C4orf36: variants seen among roughly 807,000 people sequenced by gnomAD.
The protein encoded by C4orf36 is chromosome 4 open reading frame 36, also known as uncharacterized protein C4orf36.
A neutral mutation model predicts 12.2 loss-of-function variants in C4orf36; 11 were observed. The ratio of observed to expected loss-of-function variants is 0.90; its 90% CI spans 0.57 to 1.49. The LOEUF (loss-of-function observed/expected upper bound fraction) is 1.49, where lower values mean the gene tolerates loss of function less well. C4orf36 is among the 40% of genes most tolerant of loss of function. The pLI is 0.00. For synonymous variants in C4orf36, 54 were observed against 51.3 expected, an observed-to-expected ratio of 1.05 and a Z score of -0.22; for missense variants, 137 against 133.9, an observed-to-expected ratio of 1.02 and a Z score of -0.11.
the C4orf36 span, among the ~76,000 whole-genome samples, chr4:86,905,218 C>CAAA: frequency 8.1e-6 from 1 of 123,242 alleles, no homozygotes. Context: ...ACTAAAAATA[C>CAAA]AAAAAAAAAA....
the C4orf36 span, among the ~76,000 whole-genome samples, chr4:86,907,579 T>A: frequency 6.6e-6 from 1 of 152,132 alleles, no homozygotes; most frequent in Non-Finnish European, 1.5e-5. Context: ...ATTAAGCTAC[T>A]TTGGGGGTAT....
At chr4:86,906,775 C>T in the C4orf36 span, among the ~76,000 whole-genome samples, 9 of 145,674 alleles carry the variant, frequency 6.2e-5, no homozygotes, top group African/African-American at 2.3e-4. Flanking sequence ...CACGGTGCCT[C>T]ACACCTGTAA....
chr4:86,891,567 T>C lies in C4orf36; in HGVS notation c.-47A>G, dbSNP rs1179775901. 8 of 1,613,804 alleles carry C rather than the reference T, an allele frequency of 5.0e-6. No homozygotes were observed. Among genetic ancestry groups the C allele is most frequent in the Non-Finnish European group, 6.8e-6 (8 of 1,179,922 alleles). ...TTCGTTACATAGGTGCCTGATGGAA[T>C]GTCACAGATAACTCTGTTCACTTTA... On this transcript the variant is annotated 5_prime_UTR_variant, in exon 2 of 5. Transcript: ENST00000295898.
upstream of C4orf36, among the ~76,000 whole-genome samples, chr4:86,892,630 T>C (rs1747474946): frequency 1.3e-5 from 2 of 152,174 alleles, no homozygotes; most frequent in East Asian, 1.9e-4. Context: ...CGCTTTCCAA[T>C]GTAGGGGGCT....
chr4:86,924,877 G>A, the C4orf36 span: 1 of 152,190 alleles, frequency 6.6e-6, no homozygotes, highest in Non-Finnish European at 1.5e-5. Context: ...TTTACTCATG[G>A]TTCTGCCAGC....
the C4orf36 span, among the ~76,000 whole-genome samples, chr4:86,917,838 A>G: frequency 1.3e-5 from 2 of 151,004 alleles, no homozygotes; most frequent in African/African-American, 4.9e-5. Context: ...CCTTTACAGC[A>G]TGTTACTGTA....
chr4:86,906,347 A>T, the C4orf36 span, among the ~76,000 whole-genome samples: 1 of 152,164 alleles, frequency 6.6e-6, no homozygotes, highest in Non-Finnish European at 1.5e-5. Flanking sequence ...ATCCATAAGA[A>T]TTAAGTGGGG....
chr4:86,929,358 T>A, the C4orf36 span, among the ~76,000 whole-genome samples: 1 of 152,190 alleles, frequency 6.6e-6, no homozygotes, highest in Non-Finnish European at 1.5e-5. Flanking sequence ...ATTTTATTTT[T>A]TATTTTTACT....
the C4orf36 span, chr4:86,913,744 T>C: frequency 6.5e-7 from 1 of 1,529,534 alleles, no homozygotes; most frequent in Admixed American, 1.7e-5. Context: ...CAGCCACCAG[T>C]GCCACTGCCA....
intron 4 of C4orf36, among the ~76,000 whole-genome samples, chr4:86,882,935 G>C (rs1747082212): frequency 6.6e-6 from 1 of 152,116 alleles, no homozygotes. Context: ...AGCACCTTCA[G>C]TCCACTTCAG....
At chr4:86,907,364 G>A in the C4orf36 span, among the ~76,000 whole-genome samples, 22 of 152,240 alleles carry the variant, frequency 1.4e-4, no homozygotes, top group South Asian at 4.1e-4. Context: ...AGAGGAGGGA[G>A]GGGATCAGGA....
At chr4:86,917,404 AAAG>A in the C4orf36 span, among the ~76,000 whole-genome samples, 1 of 142,922 alleles carries the variant, frequency 7.0e-6, no homozygotes, top group Middle Eastern at 3.6e-3. Context: ...AAGGAGAGAG[AAAG>A]AGAGGAAGAG....
At chr4:86,879,824 T>C (rs1275132805) in intron 4 of C4orf36, among the ~76,000 whole-genome samples, 1 of 150,532 alleles carries the variant, frequency 6.6e-6, no homozygotes, top group Non-Finnish European at 1.5e-5. Flanking sequence ...GGAGATCTTA[T>C]TAGACTATAA....
chr4:86,891,054 T>C (rs781230716), intron 2 of C4orf36, among the ~76,000 whole-genome samples: 3 of 152,190 alleles, frequency 2.0e-5, no homozygotes, highest in Non-Finnish European at 4.4e-5. Flanking sequence ...TCTGTTAAGA[T>C]ACATCTGACA....
At chr4:86,914,456 A>G in the C4orf36 span, 4 of 577,974 alleles carry the variant, frequency 6.9e-6, no homozygotes, top group African/African-American at 9.1e-5. Context: ...GCTGGAGTGC[A>G]GTGGCACGAT....
the C4orf36 span, among the ~76,000 whole-genome samples, chr4:86,911,805 G>A: frequency 6.6e-6 from 1 of 151,962 alleles, no homozygotes; most frequent in Non-Finnish European, 1.5e-5. Context: ...TCCCACCTCA[G>A]CCTTCCAAGC....
the C4orf36 span, among the ~76,000 whole-genome samples, chr4:86,931,706 T>C: frequency 2.0e-5 from 3 of 152,318 alleles, no homozygotes; most frequent in African/African-American, 7.2e-5. Context: ...CCTTATTTTA[T>C]TCTATTTTTA....
the C4orf36 span, among the ~76,000 whole-genome samples, chr4:86,917,340 A>AAGGG: frequency 6.8e-6 from 1 of 146,468 alleles, no homozygotes; most frequent in African/African-American, 2.5e-5. Flanking sequence ...TGAAGGAAGG[A>AAGGG]AGGATGGAAG....
At chr4:86,933,504 AC>A in the C4orf36 span, 19 of 152,234 alleles carry the variant, frequency 1.2e-4, no homozygotes, top group Middle Eastern at 3.2e-3. Context: ...AACATCATTT[AC>A]TAAGTTGACC....
Sources: gnomAD v4.1 joint callset for allele counts (sites outside exome capture counted in the v4.1 genomes callset) on GRCh38, gnomAD v4.1.1 for gene constraint, MANE v1.5 for transcripts, NCBI Gene and HGNC (gene_info 2026-07-23, HGNC 2026-07-21) for gene names.